Variants in CSNK1G2 observed in about 807,000 individuals in gnomAD.
The protein encoded by CSNK1G2 is casein kinase 1 gamma 2.
CSNK1G2 carries 11 observed loss-of-function variants against 48.0 expected under a neutral mutation model. The observed-to-expected ratio is 0.23, with a 90% CI of 0.14 to 0.38. The LOEUF (loss-of-function observed/expected upper bound fraction) is 0.38, where lower values mean the gene tolerates loss of function less well. CSNK1G2 is among the 10% of genes least tolerant of loss of function. The pLI is 1.00. For missense variants in CSNK1G2, 446 were observed against 595.5 expected (o/e 0.75, Z 2.61); for synonymous variants, 337 against 254.1 (o/e 1.33, Z -3.10).
chr19:1,948,854 G>A (rs770192007), intron 1 of CSNK1G2, among the ~76,000 whole-genome samples: 1 of 152,208 alleles, frequency 6.6e-6, no homozygotes, highest in South Asian at 2.1e-4. Flanking sequence ...CACATACCTC[G>A]TGTGTTGTGT....
At chr19:1,965,466 G>A (rs1568194687) in intron 1 of CSNK1G2, among the ~76,000 whole-genome samples, 1 of 151,710 alleles carries the variant, frequency 6.6e-6, no homozygotes. Flanking sequence ...ATGAATGAAT[G>A]ACTCGGAAAT....
At chr19:1,956,121 T>C (rs2014989983) in intron 1 of CSNK1G2, among the ~76,000 whole-genome samples, 1 of 152,108 alleles carries the variant, frequency 6.6e-6, no homozygotes, top group Non-Finnish European at 1.5e-5. Context: ...CGAGAGGCCC[T>C]GCGGGAGCCA....
In CSNK1G2 at chr19:1,970,806, G is replaced by A. The variant is rs373053827; in HGVS notation, c.187+847G>A. 3.3e-5 allele frequency among the ~76,000 whole-genome samples: 5 copies of A among 152,234 alleles called. No individual in the cohort carries two copies. In the East Asian group the frequency reaches 9.6e-4, roughly 29 times the overall value. On this transcript the variant is annotated intron_variant, in intron 2 of 11. Transcript: ENST00000255641. ...TCAGTGTCTGTCGTGGTGGGAATCA[G>A]GGTCCCTGGGAAAGAGCGCAGGATG...
chr19:1,949,932 G>A (rs1304903980), intron 1 of CSNK1G2, among the ~76,000 whole-genome samples: 2 of 152,180 alleles, frequency 1.3e-5, no homozygotes, highest in South Asian at 2.1e-4. Flanking sequence ...GCCAGATCCT[G>A]CACCCTGTGA....
intron 1 of CSNK1G2, among the ~76,000 whole-genome samples, chr19:1,948,217 A>G (rs1420948471): frequency 6.6e-6 from 1 of 152,152 alleles, no homozygotes; most frequent in Non-Finnish European, 1.5e-5. Flanking sequence ...CCGGGCTCAC[A>G]GCGTTTCTTA....
chr19:1,961,599 G>A (rs1342706596), intron 1 of CSNK1G2, among the ~76,000 whole-genome samples: 1 of 152,238 alleles, frequency 6.6e-6, no homozygotes. Flanking sequence ...TCTGGAACTA[G>A]GGGGTGCCCC....
intron 1 of CSNK1G2, among the ~76,000 whole-genome samples, chr19:1,948,797 C>G (rs1340150382): frequency 1.2e-4 from 19 of 152,234 alleles, no homozygotes; most frequent in Admixed American, 1.2e-3. Context: ...CCGCTGCCGA[C>G]AGCCTGCTGG....
chr19:1,965,525 A>G (rs2015339896), intron 1 of CSNK1G2, among the ~76,000 whole-genome samples: 1 of 152,012 alleles, frequency 6.6e-6, no homozygotes, highest in Non-Finnish European at 1.5e-5. Context: ...ATGCATGACA[A>G]GGTGTCCCAC....
At chr19:1,970,780 G>C (rs578179867) in intron 2 of CSNK1G2, among the ~76,000 whole-genome samples, 22 of 152,356 alleles carry the variant, frequency 1.4e-4, no homozygotes, top group Admixed American at 1.4e-3. Context: ...TGCACCCCCA[G>C]TCAGTGTCTG....
chr19:1,957,466 C>G lies in CSNK1G2; in HGVS notation c.-265-12042C>G, dbSNP rs554386226. Among the ~76,000 whole-genome samples the G allele has an allele frequency of 7.9e-5, 12 of 152,326 alleles. No homozygotes were observed. In the South Asian group the frequency reaches 2.1e-3, roughly 26 times the overall value. ...GGCTGCCCCGAGCGGCTTGGGTGGCCGGGCCTGTGGGAGACCTTGGGTTTG... is the reference window on the plus strand; with the variant it reads ...GGCTGCCCCGAGCGGCTTGGGTGGCGGGGCCTGTGGGAGACCTTGGGTTTG... On this transcript the variant is annotated intron_variant, in intron 1 of 11. Transcript: ENST00000255641. The surrounding 1 kb of genome is among the most constrained non-coding windows in gnomAD (Gnocchi z 5.4).
intron 1 of CSNK1G2, among the ~76,000 whole-genome samples, chr19:1,948,498 G>A (rs966817248): frequency 6.9e-6 from 1 of 145,508 alleles, no homozygotes; most frequent in Non-Finnish European, 1.5e-5. Flanking sequence ...ACTCCATGTG[G>A]GCGACAGAGT....
chr19:1,943,790 C>T (rs1456474253), intron 1 of CSNK1G2, among the ~76,000 whole-genome samples: 3 of 152,180 alleles, frequency 2.0e-5, no homozygotes, highest in African/African-American at 4.8e-5. Flanking sequence ...TCCTGTTGAG[C>T]GTTTGATGTT....
At chr19:1,947,458 G>A (rs1263232091) in intron 1 of CSNK1G2, among the ~76,000 whole-genome samples, 2 of 152,234 alleles carry the variant, frequency 1.3e-5, no homozygotes, top group Admixed American at 6.5e-5. Flanking sequence ...TGTGCCCCTC[G>A]GGCTTCTGCT....
intron 1 of CSNK1G2, among the ~76,000 whole-genome samples, chr19:1,947,407 A>G (rs995909908): frequency 3.9e-5 from 6 of 152,338 alleles, no homozygotes; most frequent in Admixed American, 1.3e-4. Flanking sequence ...GTCCCCAGGA[A>G]AGATGGCAGG....
intron 1 of CSNK1G2, among the ~76,000 whole-genome samples, chr19:1,968,408 C>T (rs1014195675): frequency 1.3e-5 from 2 of 152,142 alleles, no homozygotes; most frequent in Admixed American, 6.5e-5. Context: ...TGCTGGGGAC[C>T]GTCCTGCCTC....
chr19:1,979,128 C>G, intron 6 of CSNK1G2, 35 bp downstream of exon 6: 1 of 1,563,476 alleles, frequency 6.4e-7, no homozygotes, highest in Non-Finnish European at 8.6e-7. Context: ...GGCGGGCGCC[C>G]GGACCCCGCT....
At chr19:1,949,597 G>A (rs933331898) in intron 1 of CSNK1G2, among the ~76,000 whole-genome samples, 4 of 152,216 alleles carry the variant, frequency 2.6e-5, no homozygotes, top group African/African-American at 7.2e-5. Context: ...TCCGGTTCCC[G>A]TGTGGCTGCG....
rs764721043 is a variant in CSNK1G2 at position 1,978,386 on chromosome 19, C to G, written c.228+41C>G. 9.9e-6 allele frequency: 16 copies of G among 1,612,388 alleles called. No individual in the cohort carries two copies. In the South Asian group the frequency reaches 1.6e-4, roughly 17 times the overall value. Reference sequence around the variant, plus strand: ...CACCCCACCCCCGCTGACGTGCCCCCCAGGGATTTCAGGGCAGCGACCCGG... The same window carrying G: ...CACCCCACCCCCGCTGACGTGCCCCGCAGGGATTTCAGGGCAGCGACCCGG... On this transcript the variant is annotated intron_variant, in intron 3 of 11. Transcript: ENST00000255641. This position sits in a 1 kb window ranked among gnomAD's most constrained non-coding sequence, Gnocchi z 7.3.
intron 2 of CSNK1G2, among the ~76,000 whole-genome samples, chr19:1,972,979 G>C (rs1260588679): frequency 6.7e-6 from 1 of 149,424 alleles, no homozygotes; most frequent in Non-Finnish European, 1.5e-5. Context: ...CCAGGCTGGA[G>C]TGCAGTGGCG....
Sources: gnomAD v4.1 joint callset for allele counts (sites outside exome capture counted in the v4.1 genomes callset) on GRCh38, gnomAD v4.1.1 for gene constraint, Gnocchi (gnomAD v3.1) non-coding constraint, MANE v1.5 for transcripts, NCBI Gene and HGNC (gene_info 2026-07-23, HGNC 2026-07-21) for gene names.